ZBTB20: variants seen among roughly 807,000 people sequenced by gnomAD.
ZBTB20 encodes zinc finger and BTB domain-containing protein 20.
Under a neutral mutation model 56.9 loss-of-function variants are expected in ZBTB20, and 9 were observed. The ratio of observed to expected loss-of-function variants is 0.16; its 90% CI spans 0.10 to 0.28. ZBTB20 has a LOEUF of 0.28. Among genes scored for constraint, ZBTB20 ranks in the 10% least tolerant of loss-of-function variants. The pLI is 1.00. For synonymous variants in ZBTB20, 417 were observed against 420.7 expected (o/e 0.99, Z 0.11); for missense variants, 655 against 1,003.0 (o/e 0.65, Z 4.69).
chr3:114,965,382 CTCT>C (rs956452771), intron 3 of ZBTB20, among the ~76,000 whole-genome samples: 34 of 152,234 alleles, frequency 2.2e-4, no homozygotes, highest in African/African-American at 7.7e-4. Context: ...TACAACATAT[CTCT>C]TCAACTTATT....
At chr3:115,090,323 T>G (rs2083139964) in intron 1 of ZBTB20, among the ~76,000 whole-genome samples, 1 of 151,836 alleles carries the variant, frequency 6.6e-6, no homozygotes. Context: ...TGAGAACCAC[T>G]GGACTAGAAT....
At chr3:114,701,143 T>A (rs774218513) in intron 5 of ZBTB20, among the ~76,000 whole-genome samples, 4 of 152,186 alleles carry the variant, frequency 2.6e-5, no homozygotes, top group Non-Finnish European at 4.4e-5. Context: ...TATTATTTCA[T>A]AAGGTTTAAT....
intron 7 of ZBTB20, among the ~76,000 whole-genome samples, chr3:114,450,328 C>A (rs1168416173): frequency 1.3e-5 from 2 of 152,288 alleles, no homozygotes; most frequent in Non-Finnish European, 1.5e-5. Context: ...CAAAGCAAAA[C>A]TCAAATTTTT....
At chr3:114,894,478 G>T (rs1327510834) in intron 4 of ZBTB20, among the ~76,000 whole-genome samples, 1 of 152,138 alleles carries the variant, frequency 6.6e-6, no homozygotes, top group African/African-American at 2.4e-5. Flanking sequence ...AAAAACATGT[G>T]TTGGAGTTCT....
intron 6 of ZBTB20, among the ~76,000 whole-genome samples, chr3:114,564,679 G>C (rs182588317): frequency 5.9e-4 from 90 of 152,236 alleles, no homozygotes; most frequent in African/African-American, 2.0e-3. Flanking sequence ...CTTAGCCAAA[G>C]AATTATTAGT....
Position 114,352,082 on chromosome 3 carries a change from AT to A in ZBTB20, c.200-205del, listed in dbSNP as rs1485035707. 4 of 661,968 alleles carry A rather than the reference AT, an allele frequency of 6.0e-6. No homozygotes were observed. In the African/African-American group the frequency reaches 7.2e-5, roughly 12 times the overall value. The allele number at this position is 661,968 out of a possible 1,614,324, so 41.0% of individuals were successfully genotyped here. Reference sequence around the variant, plus strand: ...GAAAAGGACCTTGAATTTTGCTCCAATTCCGGCCTTTAGTGCCGCAGCCATT... The same window carrying A: ...GAAAAGGACCTTGAATTTTGCTCCAATCCGGCCTTTAGTGCCGCAGCCATT... On this transcript the variant is annotated intron_variant, in intron 10 of 11. Transcript: ENST00000675478.
chr3:115,105,101 C>T (rs1369350477), intron 1 of ZBTB20, among the ~76,000 whole-genome samples: 4 of 152,002 alleles, frequency 2.6e-5, no homozygotes, highest in Non-Finnish European at 4.4e-5. Context: ...TGCGTACCCT[C>T]GTCAAGTCAT....
At chr3:115,024,479 T>G (rs1215650220) in intron 2 of ZBTB20, among the ~76,000 whole-genome samples, 1 of 151,130 alleles carries the variant, frequency 6.6e-6, no homozygotes, top group Admixed American at 6.6e-5. Context: ...CCCACCTTTT[T>G]ATCCTCCTCA....
intron 8 of ZBTB20, chr3:114,387,208 C>T (rs943361625): frequency 2.0e-5 from 3 of 152,116 alleles, no homozygotes; most frequent in Non-Finnish European, 4.4e-5. Flanking sequence ...CAACCCACTT[C>T]CAAGCCTTGT....
At chr3:114,576,301 C>A (rs1234497286) in intron 6 of ZBTB20, among the ~76,000 whole-genome samples, 1 of 151,614 alleles carries the variant, frequency 6.6e-6, no homozygotes, top group Admixed American at 6.6e-5. Flanking sequence ...AGATCGAGAC[C>A]ATCCTGGCTA....
intron 5 of ZBTB20, among the ~76,000 whole-genome samples, chr3:114,733,678 C>T (rs910654362): frequency 6.6e-5 from 10 of 152,088 alleles, no homozygotes; most frequent in Non-Finnish European, 1.2e-4. Context: ...AACTAGGTTG[C>T]TTTATAAAAA....
chr3:114,517,339 T>C (rs1444670449), intron 6 of ZBTB20, among the ~76,000 whole-genome samples: 3 of 152,174 alleles, frequency 2.0e-5, no homozygotes, highest in Non-Finnish European at 4.4e-5. Context: ...AAATAAGATA[T>C]GTAATTTTAC....
intron 7 of ZBTB20, among the ~76,000 whole-genome samples, chr3:114,412,057 T>C (rs1051445372): frequency 2.6e-5 from 4 of 152,152 alleles, no homozygotes; most frequent in African/African-American, 9.7e-5. Flanking sequence ...CAAGCAAGTA[T>C]AATGCAGTAC....
chr3:114,555,063 T>G (rs2051033633), intron 6 of ZBTB20, among the ~76,000 whole-genome samples: 1 of 152,140 alleles, frequency 6.6e-6, no homozygotes, highest in African/African-American at 2.4e-5. Flanking sequence ...ACAAAGGGAA[T>G]TGACAAAGGC....
intron 6 of ZBTB20, among the ~76,000 whole-genome samples, chr3:114,632,747 G>C (rs966358053): frequency 6.6e-6 from 1 of 152,110 alleles, no homozygotes; most frequent in Non-Finnish European, 1.5e-5. Flanking sequence ...TTCTTCATGA[G>C]AATACAGAAT....
At chr3:114,612,039 C>T (rs546593275) in intron 6 of ZBTB20, among the ~76,000 whole-genome samples, 2 of 152,240 alleles carry the variant, frequency 1.3e-5, no homozygotes, top group South Asian at 4.1e-4. Flanking sequence ...CTGTATACAC[C>T]AACTTTATTT....
At chr3:114,871,241 C>T (rs77576834) in intron 4 of ZBTB20, among the ~76,000 whole-genome samples, 3,568 of 152,182 alleles carry the variant, frequency 0.023, 50 homozygotes, top group South Asian at 0.051. Context: ...TTACCAATCA[C>T]AGGAGTTAAC....
At chr3:114,615,032 C>T (rs2057833068) in intron 6 of ZBTB20, among the ~76,000 whole-genome samples, 2 of 152,072 alleles carry the variant, frequency 1.3e-5, no homozygotes, top group Non-Finnish European at 2.9e-5. Flanking sequence ...GCCCAAAGTG[C>T]TTGGGATTAC....
rs77509684 is a variant in ZBTB20, at chr3:114,503,718, G to T, written c.-294-3327C>A. Among the ~76,000 whole-genome samples, 1,436 of 152,120 alleles carry T rather than the reference G, an allele frequency of 9.4e-3. 23 individuals are homozygous for T. The highest frequency in any genetic ancestry group is 0.032 in the African/African-American group (1,323 of 41,498). On this transcript the variant is annotated intron_variant, in intron 6 of 11. Transcript: ENST00000675478. ...ACGTTAAAATATCAGGGTGGAAGGT[G>T]GGGGATGAGCAGAGAGAGGGGGATG...
Sources: allele counts gnomAD v4.1 joint callset (sites outside exome capture counted in the v4.1 genomes callset), GRCh38; gene constraint gnomAD v4.1.1; transcripts MANE v1.5; gene names NCBI Gene and HGNC (gene_info 2026-07-23, HGNC 2026-07-21).